KCNMA1: variants seen among roughly 807,000 people sequenced by gnomAD.
The protein encoded by KCNMA1 is Calcium-activated potassium channel subunit alpha-1.
In KCNMA1, 29 loss-of-function variants were observed where a neutral mutation model predicts 140.0. The ratio of observed to expected loss-of-function variants is 0.21; its 90% CI spans 0.15 to 0.28. KCNMA1 has a LOEUF of 0.28. Among genes scored for constraint, KCNMA1 ranks in the 10% least tolerant of loss-of-function variants. The pLI is 1.00. For missense variants in KCNMA1, 880 were observed against 1,602.2 expected (o/e 0.55, Z 7.70); for synonymous variants, 612 against 611.9 (o/e 1.00, Z 0.00).
chr10:77,605,216 G>A (rs2084040415), intron 1 of KCNMA1, among the ~76,000 whole-genome samples: 2 of 152,224 alleles, frequency 1.3e-5, no homozygotes, highest in South Asian at 4.1e-4. Flanking sequence ...GCCCTGTGTT[G>A]GGTGCTTGCT....
intron 1 of KCNMA1, among the ~76,000 whole-genome samples, chr10:77,446,882 T>C (rs1366907288): frequency 1.3e-5 from 2 of 152,208 alleles, no homozygotes; most frequent in Non-Finnish European, 2.9e-5. Context: ...CCTCCATACC[T>C]TTGTTCACAC....
At chr10:77,601,808 C>T (rs1031839796) in intron 1 of KCNMA1, among the ~76,000 whole-genome samples, 1 of 152,178 alleles carries the variant, frequency 6.6e-6, no homozygotes, top group African/African-American at 2.4e-5. Context: ...CCCTCAAGGA[C>T]ACAGAGTAGC....
At chr10:77,388,450 G>T (rs755405125) in intron 2 of KCNMA1, among the ~76,000 whole-genome samples, 1 of 152,210 alleles carries the variant, frequency 6.6e-6, no homozygotes, top group Non-Finnish European at 1.5e-5. Flanking sequence ...GTTCAAAGAC[G>T]TTTAATCATT....
At chr10:76,895,413 G>C (rs1475115779) in intron 25 of KCNMA1, among the ~76,000 whole-genome samples, 2 of 152,058 alleles carry the variant, frequency 1.3e-5, no homozygotes, top group Non-Finnish European at 2.9e-5. Context: ...GTTGCTATAT[G>C]ACCCAGAAAT....
chr10:77,595,209 T>C (rs1336190015), intron 1 of KCNMA1, among the ~76,000 whole-genome samples: 1 of 151,942 alleles, frequency 6.6e-6, no homozygotes, highest in Non-Finnish European at 1.5e-5. Context: ...TAGCCGGGCA[T>C]GGTGGTGGGC....
intron 2 of KCNMA1, among the ~76,000 whole-genome samples, chr10:77,316,185 C>T (rs1316118157): frequency 2.0e-5 from 3 of 152,076 alleles, no homozygotes; most frequent in African/African-American, 7.2e-5. Flanking sequence ...TCTCAAAATC[C>T]CCTCTGGCCA....
At chr10:77,393,327 C>T (rs758294873) in intron 2 of KCNMA1, among the ~76,000 whole-genome samples, 18 of 152,206 alleles carry the variant, frequency 1.2e-4, no homozygotes, top group Non-Finnish European at 2.2e-4. Flanking sequence ...CCCCCTGACC[C>T]GTCTGTCTCC....
At chr10:76,976,622 A>C (rs1037487742) in intron 19 of KCNMA1, among the ~76,000 whole-genome samples, 2 of 151,952 alleles carry the variant, frequency 1.3e-5, no homozygotes, top group Non-Finnish European at 2.9e-5. Flanking sequence ...CCTGAGAGGA[A>C]CTCAGCATGT....
intron 16 of KCNMA1, chr10:77,020,128 T>G (rs1243963835): frequency 6.6e-6 from 1 of 152,176 alleles, no homozygotes; most frequent in Non-Finnish European, 1.5e-5. Context: ...AGGTATTCCT[T>G]GTTCTGAAAA....
chr10:77,602,864 C>T (rs796427243), intron 1 of KCNMA1, among the ~76,000 whole-genome samples: 17 of 152,308 alleles, frequency 1.1e-4, no homozygotes, highest in African/African-American at 3.6e-4. Context: ...GGGACACCTC[C>T]GGGAATATGC....
chr10:76,941,018 G>GAGGAAAGAAAGAAAGAAAGAAAGAAAGA (rs2061874631), intron 23 of KCNMA1, among the ~76,000 whole-genome samples: 5 of 38,256 alleles, frequency 1.3e-4, no homozygotes, highest in Middle Eastern at 0.01. Context: ...AGGAAGGAAG[G>GAGGAAAGAAAGAAAGAAAGAAAGAAAGA]AAGAAAGAAA....
chr10:77,065,586 A>T (rs2095904529), intron 14 of KCNMA1, among the ~76,000 whole-genome samples: 1 of 152,114 alleles, frequency 6.6e-6, no homozygotes. Flanking sequence ...AGTATTGTGG[A>T]GATGTCAATT....
At chr10:77,568,522 C>G (rs1341833917) in intron 1 of KCNMA1, among the ~76,000 whole-genome samples, 5 of 151,694 alleles carry the variant, frequency 3.3e-5, no homozygotes, top group Admixed American at 6.6e-5. Context: ...AGGCCTTTGA[C>G]AAAATTCAAC....
chr10:77,085,756 C>A (rs1330999872), intron 11 of KCNMA1, among the ~76,000 whole-genome samples: 1 of 152,070 alleles, frequency 6.6e-6, no homozygotes, highest in Non-Finnish European at 1.5e-5. Context: ...TATGCGGTGA[C>A]CACAGTTAGC....
intron 17 of KCNMA1, chr10:77,012,575 C>A: frequency 2.6e-6 from 4 of 1,544,586 alleles, no homozygotes; most frequent in Non-Finnish European, 2.6e-6. Flanking sequence ...GAGGGAAAAA[C>A]GAAAGCCACG....
At chr10:77,480,086 C>A (rs1374060387) in intron 1 of KCNMA1, among the ~76,000 whole-genome samples, 2 of 152,234 alleles carry the variant, frequency 1.3e-5, no homozygotes, top group African/African-American at 2.4e-5. Flanking sequence ...AAGCTGGATG[C>A]GCCTCCCTCC....
intron 1 of KCNMA1, among the ~76,000 whole-genome samples, chr10:77,565,033 G>A (rs1256916563): frequency 6.6e-6 from 1 of 152,204 alleles, no homozygotes; most frequent in African/African-American, 2.4e-5. Context: ...GGTGAGAAGG[G>A]AAGCCACTGC....
rs182868258 is a variant in KCNMA1 at position 77,139,260 on chromosome 10, G to C, written c.809-18212C>G. 4.0e-3 allele frequency among the ~76,000 whole-genome samples: 612 copies of C among 152,248 alleles called. 6 individuals carry two copies. Among genetic ancestry groups the C allele is most frequent in the African/African-American group, 0.014 (597 of 41,548 alleles). On this transcript the variant is annotated intron_variant, in intron 5 of 27. Transcript: ENST00000286628. ...CCTTAGCTTAATAATTCCATCATTT[G>C]GTCTCTTCTCTCTAGTGGCTTTAAT...
At chr10:77,577,647 A>G (rs1319774804) in intron 1 of KCNMA1, among the ~76,000 whole-genome samples, 1 of 152,200 alleles carries the variant, frequency 6.6e-6, no homozygotes, top group Non-Finnish European at 1.5e-5. Flanking sequence ...CATCCTCACA[A>G]CAGCCTTCTT....
Sources: gnomAD v4.1 joint callset for allele counts (sites outside exome capture counted in the v4.1 genomes callset) on GRCh38, gnomAD v4.1.1 for gene constraint, MANE v1.5 for transcripts, NCBI Gene and HGNC (gene_info 2026-07-23, HGNC 2026-07-21) for gene names.